Variants in TASOR2 observed in about 807,000 individuals in gnomAD.
The protein encoded by TASOR2 is protein TASOR 2.
TASOR2 carries 84 observed loss-of-function variants against 199.5 expected under a neutral mutation model. The ratio of observed to expected loss-of-function variants is 0.42; its 90% CI spans 0.35 to 0.50. The LOEUF (loss-of-function observed/expected upper bound fraction) is 0.50. Among genes scored for constraint, TASOR2 ranks in the 20% least tolerant of loss-of-function variants. The probability of loss-of-function intolerance (pLI) is 0.02; values close to 1 mark genes in which losing one functional copy is unlikely to be tolerated. For missense variants in TASOR2, 2,796 were observed against 2,835.9 expected (o/e 0.99, Z 0.32); for synonymous variants, 1,103 against 1,046.6 (o/e 1.05, Z -1.04).
In TASOR2 at chr10:5,685,184, C is replaced by T. The variant is rs187700319; in HGVS notation, c.-288+9C>T. The T allele has an allele frequency of 2.1e-3, 834 of 397,964 alleles. 6 individuals carry two copies. The highest frequency in any genetic ancestry group is 0.016 in the African/African-American group (778 of 48,706). 24.7% of individuals were successfully genotyped at this position (397,964 alleles called of 1,614,324 possible). A position where few individuals can be genotyped will look rare whatever the true frequency, so the allele number is the denominator to read the frequency against. On this transcript the variant is annotated intron_variant, in intron 1 of 20. Coordinates refer to ENST00000328090, the Ensembl canonical transcript of TASOR2. This position sits in a 1 kb window ranked among gnomAD's most constrained non-coding sequence, Gnocchi z 5.4. ...GGCCACGCCAAGGACGGGTAAGTCC[C>T]TCCTCGGCCTGGGCGCCCGGGAACC... is the stretch of plus-strand genomic sequence containing the variant.
chr10:5,726,971 T>C lies in TASOR2; in HGVS notation c.424+14T>C. On this transcript the variant is annotated intron_variant, in intron 9 of 20. Transcript: ENST00000328090. ...TATCAGAACCAGGTATGGAGAACTG[T>C]TTTGGGAAAAAATATTTTTCATTAT... The C allele has an allele frequency of 6.2e-7, 1 of 1,613,760 alleles. No individual in the cohort carries two copies. Among genetic ancestry groups the C allele is most frequent in the South Asian group, 1.1e-5 (1 of 91,076 alleles).
chr10:5,747,492 G>A (rs1211318735), exon 15 of TASOR2: 1 of 1,613,790 alleles, frequency 6.2e-7, no homozygotes, highest in South Asian at 1.1e-5. Context: ...TAGAAAATAA[G>A]GAGAGAAAGG....
rs370715285 is a variant in TASOR2 at position 5,730,752 on chromosome 10, G to C, written c.753G>C (p.Lys251Asn). Residue 251 changes from lysine to asparagine, a missense_variant, in exon 11 of 21, where the codon AAG becomes AAC. By Grantham distance (94) the Lys-to-Asn change is moderately conservative. This residue lies in a region of TASOR2 where 847 missense variants were observed against 887.4 expected (regional missense o/e 0.95). Coordinates refer to ENST00000328090, the Ensembl canonical transcript of TASOR2. This position sits in a 1 kb window ranked among gnomAD's most constrained non-coding sequence, Gnocchi z 4.1. Reference sequence around the variant, plus strand: ...TTGACTTGATTCCTCCAGCTGAAAAGTGCCCTTCAGAGTCTTTAACTCAGT... The same window carrying C: ...TTGACTTGATTCCTCCAGCTGAAAACTGCCCTTCAGAGTCTTTAACTCAGT... 8 of 1,614,064 alleles carry C rather than the reference G, an allele frequency of 5.0e-6. No individual in the cohort carries two copies. Among genetic ancestry groups the C allele is most frequent in the Non-Finnish European group, 5.9e-6 (7 of 1,180,038 alleles).
At chr10:5,759,325 C>T (rs1839435185) in intron 18 of TASOR2, among the ~76,000 whole-genome samples, 1 of 152,132 alleles carries the variant, frequency 6.6e-6, no homozygotes, top group African/African-American at 2.4e-5. Context: ...TATAAGTTGC[C>T]ACCACTTTAA....
chr10:5,741,973 AT>A, intron 13 of TASOR2, 123 bp from the exon 15 acceptor site: 1 of 819,834 alleles, frequency 1.2e-6, no homozygotes, highest in Non-Finnish European at 1.9e-6. Context: ...CATGTTTCAT[AT>A]CTGTAAATTT....
In TASOR2 at chr10:5,720,980, A is replaced by C. The variant is rs1466531624; in HGVS notation, c.146+10A>C. ...TGATTCCAACACAGCTGTAAGTATT[A>C]AATGTTATGTCCTTTACTAATGCTT... On this transcript the variant is annotated intron_variant, in intron 6 of 20. Coordinates refer to ENST00000328090, the Ensembl canonical transcript of TASOR2. This position sits in a 1 kb window ranked among gnomAD's most constrained non-coding sequence, Gnocchi z 5.3. 6.3e-7 allele frequency: 1 copy of C among 1,595,066 alleles called. No homozygotes were observed.
exon 15 of TASOR2, chr10:5,749,644 C>A: frequency 6.2e-7 from 1 of 1,614,094 alleles, no homozygotes; most frequent in Non-Finnish European, 8.5e-7. Flanking sequence ...GAGATGTAGT[C>A]ATAATAGAGA....
Position 5,719,589 on chromosome 10 carries a change from C to T in TASOR2, c.-99-955C>T, listed in dbSNP as rs892478684. Among the ~76,000 whole-genome samples the T allele has an allele frequency of 6.6e-6, 1 of 151,984 alleles. No homozygotes were observed. The highest frequency in any genetic ancestry group is 1.9e-4 in the East Asian group (1 of 5,190). ...TGATCTCTTGATCTCATGATCTGCC[C>T]GCCTCGGCCTCCCAAAGTGCTGGGT... On this transcript the variant is annotated intron_variant, in intron 3 of 20. Coordinates refer to ENST00000328090, the Ensembl canonical transcript of TASOR2. The surrounding 1 kb of genome is among the most constrained non-coding windows in gnomAD (Gnocchi z 4.1).
At chr10:5,757,400 G>C (rs1436567299) in intron 16 of TASOR2, 120 bp from the exon 18 acceptor site, 2 of 994,652 alleles carry the variant, frequency 2.0e-6, no homozygotes, top group Non-Finnish European at 3.0e-6. Context: ...CGGTAATCCA[G>C]GTTGAAATAT....
At position 5,687,843 on chromosome 10, in the gene TASOR2, T is replaced by C. The variant is rs745841333; in HGVS notation, c.-288+2668T>C. Among the ~76,000 whole-genome samples the C allele has an allele frequency of 4.6e-5, 7 of 152,216 alleles. No individual in the cohort carries two copies. The highest frequency in any genetic ancestry group is 7.2e-5 in the African/African-American group (3 of 41,454). On this transcript the variant is annotated intron_variant, in intron 1 of 20. Coordinates refer to ENST00000328090, the Ensembl canonical transcript of TASOR2. This position sits in a 1 kb window ranked among gnomAD's most constrained non-coding sequence, Gnocchi z 4.8. ...AAAAGACTGCTGAAGATCCCAAAGA[T>C]CTTTTGTTTATTGGATTATATCAAT... is the stretch of plus-strand genomic sequence containing the variant.
In TASOR2 at chr10:5,752,885, C is replaced by T. The variant is rs1405520380; in HGVS notation, c.6606+2858C>T. The stretch of plus-strand genomic sequence containing the variant: ...ACGCCTCATATGGCAGTGGCAGGGC[C>T]TTAAGTCACACTGAGCTATTTAGAC... On this transcript the variant is annotated intron_variant, in intron 15 of 20. Coordinates refer to ENST00000328090, the Ensembl canonical transcript of TASOR2. This position sits in a 1 kb window ranked among gnomAD's most constrained non-coding sequence, Gnocchi z 4.4. Among the ~76,000 whole-genome samples the T allele has an allele frequency of 1.3e-5, 2 of 152,174 alleles. No individual in the cohort carries two copies. Among genetic ancestry groups the T allele is most frequent in the Non-Finnish European group, 2.9e-5 (2 of 68,032 alleles).
At chr10:5,700,584 C>T (rs781317639) in intron 1 of TASOR2, among the ~76,000 whole-genome samples, 15 of 152,070 alleles carry the variant, frequency 9.9e-5, no homozygotes, top group East Asian at 1.9e-4. Flanking sequence ...TCCATATCTT[C>T]GCCGGCATTC....
intron 6 of TASOR2, among the ~76,000 whole-genome samples, chr10:5,721,646 T>C (rs984019802): frequency 2.6e-5 from 4 of 152,194 alleles, no homozygotes; most frequent in African/African-American, 9.7e-5. Flanking sequence ...TTCCTCATTA[T>C]AGAGTGCAAC....
chr10:5,738,800 T>C lies in TASOR2; in HGVS notation c.1448-818T>C, dbSNP rs555520775. On this transcript the variant is annotated intron_variant, in intron 12 of 20. Transcript: ENST00000328090. The surrounding 1 kb of genome is among the most constrained non-coding windows in gnomAD (Gnocchi z 4.7). ...GCAGAGTTGTGAAGTTTATCCTTCA[T>C]AATAACAGCATTTAGGAAGGAATAA... Among the ~76,000 whole-genome samples the C allele has an allele frequency of 4.6e-5, 7 of 152,160 alleles. No homozygotes were observed. The highest frequency in any genetic ancestry group is 1.0e-4 in the Non-Finnish European group (7 of 68,034).
intron 1 of TASOR2, among the ~76,000 whole-genome samples, chr10:5,694,101 A>G (rs1369676860): frequency 6.6e-6 from 1 of 152,228 alleles, no homozygotes; most frequent in African/African-American, 2.4e-5. Flanking sequence ...GAGAAAAAAA[A>G]AAGAATTCTG....
rs753955128 is a variant in TASOR2 at position 5,740,316 on chromosome 10, G to C, written c.2146G>C (p.Val716Leu). ...GCAAAAGCCTCCTGACGACCCCGTGGTGAAGCCCAAGGATCGACCACCGTC... is the reference window on the plus strand; with the variant it reads ...GCAAAAGCCTCCTGACGACCCCGTGCTGAAGCCCAAGGATCGACCACCGTC... Residue 716 changes from valine to leucine, a missense_variant, in exon 13 of 21, where the codon GTG (valine) becomes CTG (leucine). By Grantham distance (32) the Val-to-Leu change is conservative. Coordinates refer to ENST00000328090, the Ensembl canonical transcript of TASOR2. The surrounding 1 kb of genome is among the most constrained non-coding windows in gnomAD (Gnocchi z 5.3). 1 of 1,614,184 alleles carries C rather than the reference G, an allele frequency of 6.2e-7. No homozygotes were observed.
At position 5,748,748 on chromosome 10, in the gene TASOR2, T is replaced by C. The variant is rs188774714; in HGVS notation, c.5327T>C (p.Val1776Ala). Residue 1776 changes from valine (V) to alanine (A), a missense_variant, in exon 15 of 21, where the codon GTT becomes GCT. Val to Ala is a moderately conservative substitution (Grantham distance 64). Transcript: ENST00000328090. The surrounding 1 kb of genome is among the most constrained non-coding windows in gnomAD (Gnocchi z 5.1). ...AGTAAAGAGCCTTTGGCCTCCTTTG[T>C]TTCAGAATCCTTTGATACTTCTGTT... 411 of 1,614,170 alleles carry C rather than the reference T, an allele frequency of 2.5e-4. No individual in the cohort carries two copies. The highest frequency in any genetic ancestry group is 3.3e-4 in the Middle Eastern group (2 of 6,062).
At chr10:5,749,016 C>T (rs1288152913) in exon 15 of TASOR2, 37 of 1,614,110 alleles carry the variant, frequency 2.3e-5, no homozygotes, top group East Asian at 6.7e-5. Context: ...CCACAGATGG[C>T]TATGAGTCGT....
At chr10:5,726,163 G>GGT (rs1454784094) in intron 8 of TASOR2, among the ~76,000 whole-genome samples, 2 of 152,110 alleles carry the variant, frequency 1.3e-5, no homozygotes. Context: ...TTTTTGAAAT[G>GGT]GTAAGCAGTG....
Sources: gnomAD v4.1 joint callset for allele counts (sites outside exome capture counted in the v4.1 genomes callset) on GRCh38, gnomAD v4.1.1 for gene constraint, gnomAD v4.1.1 regional missense constraint, Gnocchi (gnomAD v3.1) non-coding constraint, MANE v1.5 for transcripts, NCBI Gene and HGNC (gene_info 2026-07-23, HGNC 2026-07-21) for gene names.